The following ITGA4 variants were observed in gnomAD, a reference collection of about 807,000 sequenced individuals.
ITGA4 encodes integrin alpha-4.
A neutral mutation model predicts 133.6 loss-of-function variants in ITGA4; 63 were observed. That is an observed-to-expected ratio of 0.47 (90% CI 0.38 to 0.58). The LOEUF (loss-of-function observed/expected upper bound fraction) is 0.58, where lower values mean the gene tolerates loss of function less well. ITGA4 is among the 20% of genes least tolerant of loss of function. ITGA4 has a pLI of 0.00. For synonymous variants in ITGA4, 483 were observed against 438.0 expected, an observed-to-expected ratio of 1.10 and a Z score of -1.28; for missense variants, 1,076 against 1,252.7, an observed-to-expected ratio of 0.86 and a Z score of 2.13.
Position 181,537,119 on chromosome 2 carries a change from A to AT in ITGA4, c.*1597dup. On this transcript the variant is annotated 3_prime_UTR_variant, in exon 28 of 28. Transcript: ENST00000397033. ...GGAATAAACTTTATGACATTTATGT[A>AT]TTTTTAAAAAACTTTGTATCGTTAT... 1 of 453,052 alleles carries AT rather than the reference A, an allele frequency of 2.2e-6. No individual in the cohort carries two copies. Among genetic ancestry groups the AT allele is most frequent in the Non-Finnish European group, 4.4e-6 (1 of 226,506 alleles). 28.1% of individuals were successfully genotyped at this position (453,052 alleles called of 1,614,324 possible).
Position 181,537,075 on chromosome 2 carries a change from C to T in ITGA4, c.*1548C>T, listed in dbSNP as rs1042704997. The T allele has an allele frequency of 2.2e-6, 1 of 446,822 alleles. No homozygotes were observed. Among genetic ancestry groups the T allele is most frequent in the Admixed American group, 2.4e-5 (1 of 41,738 alleles). The allele number at this position is 446,822 out of a possible 1,614,324, so 27.7% of individuals were successfully genotyped here. ...AAATGTAAGCACAAAACCTCCTGAA[C>T]CCAGAGTGTGTATACACAGGAATAA... On this transcript the variant is annotated 3_prime_UTR_variant, in exon 28 of 28. Transcript: ENST00000397033.
At position 181,475,264 on chromosome 2, in the gene ITGA4, A is replaced by G. The variant is rs201526448; in HGVS notation, c.532A>G (p.Lys178Glu). ...VPPDLRTELS[K>E]RIAPCYQDYV... is the part of the protein sequence containing the mutation. ...CCCTGATTTACGAACAGAACTGAGT[A>G]AAAGAATAGCTCCGTGTTATCAAGG... Residue 178 changes from lysine to glutamate, a missense_variant, in exon 4 of 28, where the codon AAA becomes GAA. This residue lies in a region of ITGA4 where 436 missense variants were observed against 590.7 expected (regional missense o/e 0.74). Coordinates refer to ENST00000397033, the MANE Select transcript of ITGA4 (RefSeq NM_000885.6). The G allele has an allele frequency of 6.2e-7, 1 of 1,612,826 alleles. No homozygotes were observed. Among genetic ancestry groups the G allele is most frequent in the Non-Finnish European group, 8.5e-7 (1 of 1,178,972 alleles).
chr2:181,478,791 A>G lies in ITGA4; in HGVS notation c.591A>G (p.Ser197=), dbSNP rs1157813938. 6.7e-7 allele frequency: 1 copy of G among 1,495,602 alleles called. No homozygotes were observed. Among genetic ancestry groups the G allele is most frequent in the Admixed American group, 2.0e-5 (1 of 49,162 alleles). The allele number at this position is 1,495,602 out of a possible 1,614,324, so 92.6% of individuals were successfully genotyped here. Residue 197 remains serine, a synonymous_variant, in exon 5 of 28, where the codon TCA becomes TCG. Coordinates refer to ENST00000397033, the MANE Select transcript of ITGA4 (RefSeq NM_000885.6). The stretch of plus-strand genomic sequence containing the variant: ...AAAAATTTGGAGAAAATTTTGCATC[A>G]TGTCAAGCTGGAATATCCAGTTTTT... ...YVKKFGENFA[S]CQAGISSFYT...
chr2:181,475,576 G>C (rs1255180175), intron 4 of ITGA4, among the ~76,000 whole-genome samples: 1 of 152,120 alleles, frequency 6.6e-6, no homozygotes, highest in South Asian at 2.1e-4. Flanking sequence ...GGTGAGACTA[G>C]TACCCAGCAA....
At chr2:181,460,124 GTAAGA>G (rs1685232920) in intron 2 of ITGA4, among the ~76,000 whole-genome samples, 1 of 152,278 alleles carries the variant, frequency 6.6e-6, no homozygotes, top group African/African-American at 2.4e-5. Flanking sequence ...TGACTGATGA[GTAAGA>G]TAATTGATTA....
intron 27 of ITGA4, 152 bp downstream of exon 27, chr2:181,535,087 C>T: frequency 1.2e-6 from 1 of 836,998 alleles, no homozygotes; most frequent in Non-Finnish European, 1.7e-6. Context: ...CTCTTCAACA[C>T]CAAAGTCTTT....
At chr2:181,470,319 T>C (rs1286774530) in intron 2 of ITGA4, among the ~76,000 whole-genome samples, 2 of 152,112 alleles carry the variant, frequency 1.3e-5, no homozygotes, top group African/African-American at 2.4e-5. Context: ...TCAGTTATCA[T>C]TAGTGTCAGT....
At chr2:181,531,339 A>T (rs1230149594) in intron 24 of ITGA4, among the ~76,000 whole-genome samples, 1 of 152,150 alleles carries the variant, frequency 6.6e-6, no homozygotes, top group African/African-American at 2.4e-5. Flanking sequence ...TTTTACAACA[A>T]ACAAAGAATA....
Position 181,477,882 on chromosome 2 carries a change from G to GTACTTTTTTATGTTTTTT in ITGA4, c.557-875_557-874insTACTTTTTTATGTTTTTT, listed in dbSNP as rs1388673637. The stretch of plus-strand genomic sequence containing the variant: ...AAATGAAATCAGTACCACATAAAGA[G>GTACTTTTTTATGTTTTTT]ATCTGCGTTTTTATGTTCATTGCAG... On this transcript the variant is annotated intron_variant, in intron 4 of 27. Coordinates refer to ENST00000397033, the MANE Select transcript of ITGA4 (RefSeq NM_000885.6). Among the ~76,000 whole-genome samples, 61 of 152,202 alleles carry GTACTTTTTTATGTTTTTT rather than the reference G, an allele frequency of 4.0e-4. 1 individual carries two copies. In the South Asian group the frequency reaches 7.5e-3, roughly 19 times the overall value.
chr2:181,508,369 C>G (rs769376278), intron 15 of ITGA4, among the ~76,000 whole-genome samples: 1 of 151,886 alleles, frequency 6.6e-6, no homozygotes, highest in South Asian at 2.1e-4. Flanking sequence ...TTCAAGAGTT[C>G]TTTGTGAAGT....
intron 21 of ITGA4, among the ~76,000 whole-genome samples, chr2:181,526,244 C>T (rs1193621427): frequency 1.3e-5 from 2 of 152,174 alleles, no homozygotes; most frequent in Non-Finnish European, 2.9e-5. Flanking sequence ...CTTGCCACTC[C>T]TCCTGGCTTA....
rs1403530338 is a variant in ITGA4, at chr2:181,497,979, G to A, written c.1541-644G>A. ...CAAACTGCTAGAATATTTATTGAGA[G>A]AATTTTTTAAAAATTGCACAAATTA... On this transcript the variant is annotated intron_variant, in intron 14 of 27. Transcript: ENST00000397033. Among the ~76,000 whole-genome samples, 4 of 151,332 alleles carry A rather than the reference G, an allele frequency of 2.6e-5. No individual in the cohort carries two copies. The East Asian group carries it at 7.8e-4, about 29-fold the overall frequency.
At chr2:181,494,932 T>C (rs1686128898) in intron 12 of ITGA4, 120 bp downstream of exon 12, 2 of 625,932 alleles carry the variant, frequency 3.2e-6, no homozygotes, top group East Asian at 5.4e-5. Flanking sequence ...TTTTTTTTCT[T>C]CATTTTTAAA....
At chr2:181,491,260 G>A (rs1335253015) in intron 10 of ITGA4, among the ~76,000 whole-genome samples, 4 of 278 alleles carry the variant, frequency 0.014, 2 homozygotes, top group East Asian at 1. Context: ...TTACATCGCC[G>A]GGCGCGGTGG....
At chr2:181,497,235 T>C (rs1359923675) in intron 14 of ITGA4, among the ~76,000 whole-genome samples, 3 of 152,216 alleles carry the variant, frequency 2.0e-5, no homozygotes, top group Admixed American at 1.3e-4. Context: ...AACAATTCCA[T>C]TGTGACCAGA....
intron 17 of ITGA4, among the ~76,000 whole-genome samples, chr2:181,515,070 C>T (rs909183294): frequency 6.6e-6 from 1 of 152,030 alleles, no homozygotes; most frequent in Non-Finnish European, 1.5e-5. Flanking sequence ...CCAGACCATC[C>T]ACGTCAGAAC....
chr2:181,490,796 A>G (rs145724275), intron 10 of ITGA4, among the ~76,000 whole-genome samples: 52 of 152,276 alleles, frequency 3.4e-4, no homozygotes, highest in African/African-American at 1.1e-3. Flanking sequence ...TACTTGGGTA[A>G]ATCTGCACAA....
At position 181,480,241 on chromosome 2, in the gene ITGA4, T is replaced by C; in HGVS notation, c.729T>C (p.Asn243=). The change falls in exon 6 of 28, where the codon AAT becomes AAC. Residue 243 remains asparagine (N), a synonymous_variant. Transcript: ENST00000397033. Reference sequence around the variant, plus strand: ...ACAAGGCTTTTTTAGACAAACAAAATCAAGTAAAATTTGGAAGTTATTTAG... The same window carrying C: ...ACAAGGCTTTTTTAGACAAACAAAACCAAGTAAAATTTGGAAGTTATTTAG... ...NKYKAFLDKQ[N]QVKFGSYLGY... is the part of the protein sequence containing the mutation. 6.8e-7 allele frequency: 1 copy of C among 1,470,952 alleles called. No homozygotes were observed. The highest frequency in any genetic ancestry group is 9.1e-7 in the Non-Finnish European group (1 of 1,098,668). 91.1% of individuals were successfully genotyped at this position (1,470,952 alleles called of 1,614,324 possible).
At chr2:181,533,694 A>C (rs897599595) in intron 25 of ITGA4, among the ~76,000 whole-genome samples, 1 of 152,178 alleles carries the variant, frequency 6.6e-6, no homozygotes, top group African/African-American at 2.4e-5. Context: ...ATGTTAAATA[A>C]CATTTACACA....
Sources: gnomAD v4.1 joint callset for allele counts (sites outside exome capture counted in the v4.1 genomes callset) on GRCh38, gnomAD v4.1.1 for gene constraint, gnomAD v4.1.1 regional missense constraint, MANE v1.5 for transcripts, NCBI Gene and HGNC (gene_info 2026-07-23, HGNC 2026-07-21) for gene names.